Variants in LANCL3 observed in about 807,000 individuals in gnomAD.
LANCL3 encodes the protein lanC-like protein 3.
In LANCL3, 19 loss-of-function variants were observed where a neutral mutation model predicts 26.5. The observed-to-expected ratio is 0.72, with a 90% CI of 0.50 to 1.05. The LOEUF (loss-of-function observed/expected upper bound fraction) is 1.05. Ranked by LOEUF, LANCL3 falls within the 50% of genes least tolerant of loss-of-function variation. The pLI, the probability that LANCL3 is intolerant of heterozygous loss-of-function variation, is 0.00. For missense variants in LANCL3, 318 were observed against 362.7 expected, an observed-to-expected ratio of 0.88 and a Z score of 1.00; for synonymous variants, 160 against 166.6, an observed-to-expected ratio of 0.96 and a Z score of 0.30.
chrX:37,672,490 C>T (rs1926707851), intron 4 of LANCL3, among the ~76,000 whole-genome samples: 1 of 111,832 alleles, frequency 8.9e-6, no homozygotes, highest in South Asian at 3.7e-4. Context: ...AGCCTTTCAG[C>T]GCTGGGTTTT....
chrX:37,586,873 C>CT (rs202064193), intron 1 of LANCL3, among the ~76,000 whole-genome samples: 28,979 of 110,373 alleles, frequency 0.26, 6,422 homozygotes, highest in African/African-American at 0.74. Flanking sequence ...GAGAGGCGCT[C>CT]GATTTTTAGA....
chrX:37,628,754 A>G (rs1346698410), intron 1 of LANCL3, among the ~76,000 whole-genome samples: 7 of 108,649 alleles, frequency 6.4e-5, no homozygotes, highest in African/African-American at 2.3e-4. Flanking sequence ...AATTTCATCC[A>G]TGTCCCTACA....
intron 1 of LANCL3, among the ~76,000 whole-genome samples, chrX:37,633,149 GTT>G (rs202182589): frequency 1.6e-4 from 16 of 99,518 alleles, no homozygotes; most frequent in African/African-American, 5.8e-4. Flanking sequence ...GGCTTTGTTC[GTT>G]TTTTTTTTTT....
intron 1 of LANCL3, among the ~76,000 whole-genome samples, chrX:37,623,777 C>T (rs1160477882): frequency 1.8e-5 from 2 of 112,092 alleles, no homozygotes; most frequent in African/African-American, 6.5e-5. Context: ...ATCCAGTTCT[C>T]ATTCCCACAA....
chrX:37,626,553 G>T (rs182366178), intron 1 of LANCL3, among the ~76,000 whole-genome samples: 77 of 111,595 alleles, frequency 6.9e-4, no homozygotes, highest in African/African-American at 2.4e-3. Flanking sequence ...TTTTTTGGCA[G>T]ATGACCCTTA....
At chrX:37,623,572 TTTTG>T (rs1350459577) in intron 1 of LANCL3, among the ~76,000 whole-genome samples, 10 of 112,558 alleles carry the variant, frequency 8.9e-5, no homozygotes, top group Non-Finnish European at 1.7e-4. Context: ...GGCTATTAGT[TTTTG>T]TTTTTGTTTG....
At position 37,678,118 on chromosome X, in the gene LANCL3, G is replaced by A. The variant is rs1926858049; in HGVS notation, c.*2305G>A. The A allele has an allele frequency of 8.9e-6, 1 of 112,126 alleles. No individual in the cohort carries two copies. Among genetic ancestry groups the A allele is most frequent in the Admixed American group, 9.4e-5 (1 of 10,591 alleles). The allele number at this position is 112,126 out of a possible 1,213,427, so 9.2% of individuals were successfully genotyped here. ...TCAAATCTAAGCAAAGACCATGTTTGAGTATTGTCTTTATGAAATGACATT... is the reference window on the plus strand; with the variant it reads ...TCAAATCTAAGCAAAGACCATGTTTAAGTATTGTCTTTATGAAATGACATT... On this transcript the variant is annotated 3_prime_UTR_variant, in exon 5 of 5. Coordinates refer to ENST00000378619, the MANE Select transcript of LANCL3 (RefSeq NM_001170331.2).
chrX:37,582,399 A>G (rs1270566493), intron 1 of LANCL3, among the ~76,000 whole-genome samples: 12 of 112,064 alleles, frequency 1.1e-4, no homozygotes, highest in African/African-American at 3.9e-4. Context: ...AGTCCCACCA[A>G]CAGTGTAAAA....
At chrX:37,573,868 G>A (rs1171051545) in intron 1 of LANCL3, among the ~76,000 whole-genome samples, 89 of 108,650 alleles carry the variant, frequency 8.2e-4, no homozygotes, top group African/African-American at 2.9e-3. Context: ...ACAGGTGGAA[G>A]CAGACCAGAA....
At chrX:37,614,777 A>G (rs1043888402) in intron 1 of LANCL3, among the ~76,000 whole-genome samples, 1 of 112,264 alleles carries the variant, frequency 8.9e-6, no homozygotes, top group Non-Finnish European at 1.9e-5. Context: ...AATTAGCACT[A>G]CTAGGTTACA....
intron 1 of LANCL3, among the ~76,000 whole-genome samples, chrX:37,585,953 T>C (rs1179202798): frequency 8.9e-6 from 1 of 111,908 alleles, no homozygotes; most frequent in East Asian, 2.8e-4. Context: ...CCTTTCCATG[T>C]TGAGTGCTTC....
chrX:37,650,066 C>T (rs1428660539), intron 1 of LANCL3, among the ~76,000 whole-genome samples: 1 of 110,022 alleles, frequency 9.1e-6, no homozygotes, highest in Non-Finnish European at 1.9e-5. Flanking sequence ...CTTTGGGAGG[C>T]CAAGGTGGGC....
Position 37,572,251 on chromosome X carries a change from G to C in LANCL3, c.381G>C (p.Val127=). The C allele has an allele frequency of 8.7e-7, 1 of 1,149,773 alleles. No homozygotes were observed. The highest frequency in any genetic ancestry group is 1.9e-5 in the South Asian group (1 of 52,084). The allele number at this position is 1,149,773 out of a possible 1,213,427, so 94.8% of individuals were successfully genotyped here. The part of the protein sequence containing the change: ...RAAFLLGGAG[V]YAVATLVYHA... ...CCTTCCTGCTCGGGGGCGCGGGCGTGTACGCCGTGGCCACGCTCGTATACC... is the reference window on the plus strand; with the variant it reads ...CCTTCCTGCTCGGGGGCGCGGGCGTCTACGCCGTGGCCACGCTCGTATACC... The change falls in exon 1 of 5, where the codon GTG becomes GTC. Residue 127 remains valine, a synonymous_variant. Coordinates refer to ENST00000378619, the MANE Select transcript of LANCL3 (RefSeq NM_001170331.2).
At position 37,632,413 on chromosome X, in the gene LANCL3, C is replaced by T. The variant is rs1418371591; in HGVS notation, c.574-23275C>T. On this transcript the variant is annotated intron_variant, in intron 1 of 4. Coordinates refer to ENST00000378619, the MANE Select transcript of LANCL3 (RefSeq NM_001170331.2). ...GGGTCTTGACTCTTTATCCAATTTG[C>T]CAGTCTGTGTCTTTTAATTGGAGCA... Among the ~76,000 whole-genome samples, 35 of 111,231 alleles carry T rather than the reference C, an allele frequency of 3.1e-4. 1 individual carries two copies. The Admixed American group carries it at 3.2e-3, about 10-fold the overall frequency.
chrX:37,669,546 CT>C (rs781910527), intron 4 of LANCL3, among the ~76,000 whole-genome samples: 73 of 111,448 alleles, frequency 6.6e-4, no homozygotes, highest in African/African-American at 2.2e-3. Flanking sequence ...GCACTTCCCC[CT>C]CCCCTCTTGC....
At chrX:37,646,326 T>A (rs782820563) in intron 1 of LANCL3, among the ~76,000 whole-genome samples, 1 of 112,406 alleles carries the variant, frequency 8.9e-6, no homozygotes, top group South Asian at 3.7e-4. Flanking sequence ...GAGGTCACTA[T>A]GCACTGTAAG....
At chrX:37,651,176 G>A in intron 1 of LANCL3, among the ~76,000 whole-genome samples, 1 of 111,184 alleles carries the variant, frequency 9.0e-6, no homozygotes, top group Non-Finnish European at 1.9e-5. Context: ...TGTGAATAGT[G>A]CAGCAAGAAA....
chrX:37,612,787 T>C (rs1314153871), intron 1 of LANCL3, among the ~76,000 whole-genome samples: 1 of 111,699 alleles, frequency 9.0e-6, no homozygotes, highest in Non-Finnish European at 1.9e-5. Context: ...AGAAAAGAGA[T>C]CAGGAAATGT....
intron 1 of LANCL3, among the ~76,000 whole-genome samples, chrX:37,611,651 G>C (rs1359574877): frequency 9.0e-6 from 1 of 111,322 alleles, no homozygotes; most frequent in Non-Finnish European, 1.9e-5. Flanking sequence ...AGCATAACTG[G>C]ACTGCTTGAT....
Sources: gnomAD v4.1 joint callset for allele counts (sites outside exome capture counted in the v4.1 genomes callset) on GRCh38, gnomAD v4.1.1 for gene constraint, MANE v1.5 for transcripts, NCBI Gene and HGNC (gene_info 2026-07-23, HGNC 2026-07-21) for gene names.